TEX15: variants seen among roughly 807,000 people sequenced by gnomAD.
TEX15 encodes the protein testis-expressed protein 15.
In TEX15, 171 loss-of-function variants were observed where a neutral mutation model predicts 237.3. That is an observed-to-expected ratio of 0.72 (90% CI 0.64 to 0.82). TEX15 has a LOEUF of 0.82. Ranked by LOEUF, TEX15 falls within the 40% of genes least tolerant of loss-of-function variation. The pLI, the probability that TEX15 is intolerant of heterozygous loss-of-function variation, is 0.00. For missense variants in TEX15, 3,750 were observed against 3,646.5 expected (o/e 1.03, Z -0.73); for synonymous variants, 1,338 against 1,269.8 (o/e 1.05, Z -1.14).
rs200289292 is a variant in TEX15, at chr8:30,855,309, TAATAA to T, written c.850+3354_850+3358del. ...TATACATTTGGAATGAACAATACAC[TAATAA>T]AATAAATAATTCCATTTATGATAGC... is the stretch of plus-strand genomic sequence containing the variant. On this transcript the variant is annotated intron_variant, in intron 7 of 10. Transcript: ENST00000643185. 9.5e-3 allele frequency among the ~76,000 whole-genome samples: 1,448 copies of T among 152,264 alleles called. 24 individuals are homozygous for T. The highest frequency in any genetic ancestry group is 0.032 in the African/African-American group (1,346 of 41,554).
In TEX15 at chr8:30,842,441, T is replaced by A. The variant is rs1257322996; in HGVS notation, c.7726A>T (p.Asn2576Tyr). ...IDFVPYIASI[N>Y]YGSTVTELEY... ...AACTCTGTCACAGTGCTTCCATAAT[T>A]TATGGATGCTATATATGGCACAAAG... is the stretch of plus-strand genomic sequence containing the variant. Residue 2576 changes from asparagine (N) to tyrosine (Y), a missense_variant, in exon 8 of 11, where the codon AAT (asparagine) becomes TAT (tyrosine). Transcript: ENST00000643185. 7.4e-6 allele frequency: 12 copies of A among 1,613,466 alleles called. No homozygotes were observed. The highest frequency in any genetic ancestry group is 1.7e-5 in the Admixed American group (1 of 59,942).
intron 1 of TEX15, among the ~76,000 whole-genome samples, chr8:30,902,514 A>G (rs1209338311): frequency 1.3e-5 from 2 of 152,216 alleles, no homozygotes; most frequent in Non-Finnish European, 2.9e-5. Context: ...TAACAATTTT[A>G]ACTTGGGTAT....
In TEX15 at chr8:30,833,036, A is replaced by G. The variant is rs1296524538; in HGVS notation, c.*250T>C. 3.2e-6 allele frequency: 1 copy of G among 315,656 alleles called. No individual in the cohort carries two copies. The highest frequency in any genetic ancestry group is 5.6e-5 in the East Asian group (1 of 17,852). 19.6% of individuals were successfully genotyped at this position (315,656 alleles called of 1,614,324 possible). A position where few individuals can be genotyped will look rare whatever the true frequency, so the allele number is the denominator to read the frequency against. On this transcript the variant is annotated 3_prime_UTR_variant, in exon 11 of 11. Transcript: ENST00000643185. Reference sequence around the variant, plus strand: ...ATCTAGTTTTAAAGATTTTACCACTATTGCTTAACTTTGATCATATTACCC... The same window carrying G: ...ATCTAGTTTTAAAGATTTTACCACTGTTGCTTAACTTTGATCATATTACCC...
intron 5 of TEX15, among the ~76,000 whole-genome samples, chr8:30,864,359 G>A (rs1013269140): frequency 6.6e-6 from 1 of 151,616 alleles, no homozygotes; most frequent in Admixed American, 6.6e-5. Flanking sequence ...TATATGCTGT[G>A]GGAGTCTGAG....
At chr8:30,868,964 C>G (rs1299274216) in intron 4 of TEX15, among the ~76,000 whole-genome samples, 1 of 150,430 alleles carries the variant, frequency 6.6e-6, no homozygotes, top group Non-Finnish European at 1.5e-5. Context: ...AAAATCTAAT[C>G]CGGGGCTCAA....
At chr8:30,891,391 T>A (rs1001945701) in intron 2 of TEX15, among the ~76,000 whole-genome samples, 2 of 152,186 alleles carry the variant, frequency 1.3e-5, no homozygotes, top group Non-Finnish European at 2.9e-5. Context: ...CATATTCTCA[T>A]CAACACCTTA....
In TEX15 at chr8:30,843,928, A is replaced by G; in HGVS notation, c.6239T>C (p.Met2080Thr). 4 of 1,612,922 alleles carry G rather than the reference A, an allele frequency of 2.5e-6. No individual in the cohort carries two copies. Among genetic ancestry groups the G allele is most frequent in the Non-Finnish European group, 3.4e-6 (4 of 1,179,614 alleles). Residue 2080 changes from methionine to threonine, a missense_variant, in exon 8 of 11, where the codon ATG becomes ACG. Met to Thr is a moderately conservative substitution (Grantham distance 81). Coordinates refer to ENST00000643185, the MANE Select transcript of TEX15 (RefSeq NM_001350162.2). ...VDTLVELQMM[M>T]ETIQFIENKK... ...GTTTTCAATGAATTGAATTGTTTCC[A>G]TCATCATTTGAAGTTCTACCAAAGT...
chr8:30,877,930 T>A (rs1029949301), intron 3 of TEX15, among the ~76,000 whole-genome samples: 1 of 152,140 alleles, frequency 6.6e-6, no homozygotes, highest in Non-Finnish European at 1.5e-5. Flanking sequence ...ACATCCCTTC[T>A]GCCACTCCTT....
chr8:30,902,224 C>CT (rs551012450), intron 1 of TEX15, among the ~76,000 whole-genome samples: 2,175 of 140,538 alleles, frequency 0.015, 42 homozygotes, highest in African/African-American at 0.047. Context: ...CCTTTTCCTC[C>CT]TTTTTTTTTT....
intron 5 of TEX15, among the ~76,000 whole-genome samples, chr8:30,862,514 ACTGCTGGG>A (rs1280624560): frequency 3.3e-5 from 5 of 152,192 alleles, no homozygotes; most frequent in Non-Finnish European, 5.9e-5. Context: ...CTCTGTGGTT[ACTGCTGGG>A]CTTTTTGGAC....
intron 1 of TEX15, among the ~76,000 whole-genome samples, chr8:30,904,680 AATGAGG>A (rs1809064874): frequency 6.6e-6 from 1 of 152,082 alleles, no homozygotes; most frequent in East Asian, 1.9e-4. Context: ...TTTCAATGTC[AATGAGG>A]TGTGCATGAC....
chr8:30,873,893 A>G (rs568691204), intron 4 of TEX15, among the ~76,000 whole-genome samples: 25 of 152,306 alleles, frequency 1.6e-4, no homozygotes, highest in Non-Finnish European at 2.9e-5. Context: ...GTCATTTACA[A>G]TGTTTTAACA....
At chr8:30,912,320 C>CG (rs2128781016) in intron 1 of TEX15, among the ~76,000 whole-genome samples, 1 of 2,052 alleles carries the variant, frequency 4.9e-4, no homozygotes, top group South Asian at 0.062. Flanking sequence ...GTTGCGGTCC[C>CG]GGGGCGGCGG....
chr8:30,893,798 AT>A (rs759007360), intron 2 of TEX15, among the ~76,000 whole-genome samples: 16 of 152,214 alleles, frequency 1.1e-4, no homozygotes, highest in Non-Finnish European at 2.9e-5. Context: ...TAGGCTAAGT[AT>A]TTGATGAACT....
intron 1 of TEX15, among the ~76,000 whole-genome samples, chr8:30,907,606 TA>T (rs1476106952): frequency 6.9e-6 from 1 of 144,338 alleles, no homozygotes; most frequent in Non-Finnish European, 1.5e-5. Context: ...TTTAATTATA[TA>T]ATTACATATA....
intron 8 of TEX15, 21 bp from the exon 9 acceptor site, chr8:30,839,985 G>C (rs753467837): frequency 2.7e-6 from 4 of 1,496,132 alleles, no homozygotes; most frequent in Non-Finnish European, 1.8e-6. Flanking sequence ...AAGATACAAA[G>C]AAAATCTTCA....
intron 5 of TEX15, among the ~76,000 whole-genome samples, chr8:30,860,563 C>CTTTT (rs35815726): frequency 7.9e-6 from 1 of 127,030 alleles, no homozygotes; most frequent in African/African-American, 2.9e-5. Context: ...AGAGAATCTA[C>CTTTT]TTTTTTTTTT....
chr8:30,855,741 G>A (rs1176239966), intron 7 of TEX15, among the ~76,000 whole-genome samples: 1 of 152,090 alleles, frequency 6.6e-6, no homozygotes, highest in Non-Finnish European at 1.5e-5. Flanking sequence ...ACAATGAAAT[G>A]GTACTGCATA....
At chr8:30,860,935 G>A (rs545298068) in intron 5 of TEX15, among the ~76,000 whole-genome samples, 1 of 150,862 alleles carries the variant, frequency 6.6e-6, no homozygotes, top group East Asian at 1.9e-4. Context: ...TTTTTTTTAA[G>A]TCTGGGTTAG....
Sources: allele counts gnomAD v4.1 joint callset (sites outside exome capture counted in the v4.1 genomes callset), GRCh38; gene constraint gnomAD v4.1.1; transcripts MANE v1.5; gene names NCBI Gene and HGNC (gene_info 2026-07-23, HGNC 2026-07-21).